Variants in SPHKAP observed in about 807,000 individuals in gnomAD.
The protein encoded by SPHKAP is SPHK1 interactor, AKAP domain containing.
Under a neutral mutation model 137.5 loss-of-function variants are expected in SPHKAP, and 67 were observed. That is an observed-to-expected ratio of 0.49 (90% CI 0.40 to 0.60). SPHKAP has a LOEUF of 0.60. SPHKAP is among the 20% of genes least tolerant of loss of function. The probability of loss-of-function intolerance (pLI) is 0.00; values close to 1 mark genes in which losing one functional copy is unlikely to be tolerated. For synonymous variants in SPHKAP, 813 were observed against 785.3 expected, an observed-to-expected ratio of 1.04 and a Z score of -0.59; for missense variants, 2,097 against 2,069.3, an observed-to-expected ratio of 1.01 and a Z score of -0.26.
chr2:228,053,381 A>G (rs946378997), intron 3 of SPHKAP, among the ~76,000 whole-genome samples: 9 of 152,228 alleles, frequency 5.9e-5, no homozygotes, highest in Non-Finnish European at 1.3e-4. Flanking sequence ...GAATGCAAGC[A>G]TTCAGTCTAC....
intron 2 of SPHKAP, among the ~76,000 whole-genome samples, chr2:228,130,077 T>A (rs1484195356): frequency 6.6e-6 from 1 of 152,180 alleles, no homozygotes; most frequent in African/African-American, 2.4e-5. Context: ...ATTACAGGCA[T>A]GAGCGACCGT....
At chr2:228,002,713 A>T (rs191286512) in intron 7 of SPHKAP, among the ~76,000 whole-genome samples, 3 of 151,844 alleles carry the variant, frequency 2.0e-5, no homozygotes, top group Admixed American at 6.6e-5. Flanking sequence ...CTAACATGTA[A>T]GTCTTTAATC....
Position 228,036,327 on chromosome 2 carries a change from G to A in SPHKAP, c.247-8784C>T, listed in dbSNP as rs530141909. Among the ~76,000 whole-genome samples, 1,221 of 152,144 alleles carry A rather than the reference G, an allele frequency of 8.0e-3. 7 individuals are homozygous for A. Among genetic ancestry groups the A allele is most frequent in the South Asian group, 0.022 (104 of 4,810 alleles). On this transcript the variant is annotated intron_variant, in intron 3 of 11. Transcript: ENST00000392056. ...TCAGAGAAATGCAAAGCAAAACCAC[G>A]ATGAGATACCATCTCACACCAGTTA...
chr2:228,092,691 G>GTATA (rs560664466), intron 3 of SPHKAP, among the ~76,000 whole-genome samples: 145 of 147,464 alleles, frequency 9.8e-4, no homozygotes, highest in African/African-American at 3.6e-3. Flanking sequence ...GTATATACGT[G>GTATA]TATATATATA....
chr2:227,988,459 G>A (rs915327816), intron 11 of SPHKAP, among the ~76,000 whole-genome samples: 8 of 152,084 alleles, frequency 5.3e-5, no homozygotes, highest in Non-Finnish European at 8.8e-5. Flanking sequence ...AAATCAGGTC[G>A]GGATAAACAA....
chr2:228,098,373 C>T (rs1311264623), intron 3 of SPHKAP, among the ~76,000 whole-genome samples: 1 of 152,016 alleles, frequency 6.6e-6, no homozygotes. Context: ...AAATGTCCAA[C>T]AATGATAGAC....
intron 6 of SPHKAP, 121 bp from the exon 7 acceptor site, chr2:228,020,277 T>A: frequency 7.2e-7 from 1 of 1,380,896 alleles, no homozygotes; most frequent in Non-Finnish European, 9.7e-7. Flanking sequence ...CATATGTTTA[T>A]TGCAGCACTA....
chr2:228,092,449 T>TAC lies in SPHKAP; in HGVS notation c.246+16382_246+16383insGT, dbSNP rs368789478. ...CATATATGTATATATGTGCCATATA[T>TAC]ATGTATACATATATGTGCCATATAT... On this transcript the variant is annotated intron_variant, in intron 3 of 11. Transcript: ENST00000392056. 5.0e-3 allele frequency among the ~76,000 whole-genome samples: 121 copies of TAC among 24,236 alleles called. 1 individual carries two copies. The highest frequency in any genetic ancestry group is 8.7e-3 in the Admixed American group (17 of 1,950). 15.9% of individuals were successfully genotyped at this position (24,236 alleles called of 152,430 possible).
intron 1 of SPHKAP, among the ~76,000 whole-genome samples, chr2:228,137,778 A>C (rs1447405362): frequency 2.0e-5 from 3 of 152,190 alleles, no homozygotes; most frequent in Non-Finnish European, 4.4e-5. Context: ...ACAACCAAAA[A>C]TTGAGAGGAT....
In SPHKAP at chr2:228,025,466, T is replaced by G; in HGVS notation, c.369A>C (p.Pro123=). The change falls in exon 5 of 12, where the codon CCA becomes CCC. Residue 123 remains proline, a synonymous_variant. Coordinates refer to ENST00000392056, the MANE Select transcript of SPHKAP (RefSeq NM_001142644.2). ...KLISSMNVQQ[P]KENEIVVLSG... The stretch of plus-strand genomic sequence containing the variant: ...TTAGGACAACAATTTCATTTTCTTT[T>G]GGTTGTTGGACATTCATGGAACTGA... The G allele has an allele frequency of 6.2e-7, 1 of 1,613,980 alleles. No homozygotes were observed.
chr2:228,100,111 A>G (rs1201119648), intron 3 of SPHKAP, among the ~76,000 whole-genome samples: 1 of 152,016 alleles, frequency 6.6e-6, no homozygotes, highest in African/African-American at 2.4e-5. Context: ...CGGCCTCCCA[A>G]AGTGCTGGGA....
chr2:228,092,091 G>GTGTTTATA, intron 3 of SPHKAP, among the ~76,000 whole-genome samples: 1 of 143,506 alleles, frequency 7.0e-6, no homozygotes, highest in African/African-American at 2.6e-5. Context: ...ATATATATGT[G>GTGTTTATA]TGTATATATG....
intron 1 of SPHKAP, among the ~76,000 whole-genome samples, chr2:228,151,646 C>G (rs1348167867): frequency 6.6e-6 from 1 of 152,074 alleles, no homozygotes; most frequent in Non-Finnish European, 1.5e-5. Context: ...GAGATGGTAT[C>G]TCATTGTGGT....
intron 1 of SPHKAP, among the ~76,000 whole-genome samples, chr2:228,132,863 G>T (rs138152379): frequency 2.7e-5 from 3 of 109,686 alleles, no homozygotes; most frequent in Non-Finnish European, 6.1e-5. Context: ...AATAAGCCAG[G>T]TGTGGTGGCA....
At chr2:228,072,338 G>A (rs1697030581) in intron 3 of SPHKAP, among the ~76,000 whole-genome samples, 1 of 152,020 alleles carries the variant, frequency 6.6e-6, no homozygotes, top group African/African-American at 2.4e-5. Flanking sequence ...TACTAATAAT[G>A]CTTTTATCTA....
chr2:227,998,689 C>T (rs1461960636), intron 7 of SPHKAP, among the ~76,000 whole-genome samples: 8 of 152,154 alleles, frequency 5.3e-5, no homozygotes, highest in Non-Finnish European at 1.2e-4. Flanking sequence ...CATAGAGATA[C>T]AAAATCCCAC....
At chr2:228,061,961 T>C (rs987407916) in intron 3 of SPHKAP, among the ~76,000 whole-genome samples, 1 of 152,116 alleles carries the variant, frequency 6.6e-6, no homozygotes, top group African/African-American at 2.4e-5. Context: ...GTACCCTCAG[T>C]TTAAAATTAG....
chr2:228,168,352 G>T (rs1157291596), intron 1 of SPHKAP, among the ~76,000 whole-genome samples: 1 of 152,148 alleles, frequency 6.6e-6, no homozygotes, highest in African/African-American at 2.4e-5. Context: ...TGGAAGGTTT[G>T]TTGAAATTGT....
At chr2:228,092,133 G>A (rs1472647818) in intron 3 of SPHKAP, among the ~76,000 whole-genome samples, 1 of 140,862 alleles carries the variant, frequency 7.1e-6, no homozygotes, top group East Asian at 2.2e-4. Flanking sequence ...ATACGTATAT[G>A]TGTGTACACA....
Sources: gnomAD v4.1 joint callset for allele counts (sites outside exome capture counted in the v4.1 genomes callset) on GRCh38, gnomAD v4.1.1 for gene constraint, MANE v1.5 for transcripts, NCBI Gene and HGNC (gene_info 2026-07-23, HGNC 2026-07-21) for gene names.